Variants in RBFOX1 observed in about 807,000 individuals in gnomAD.
RBFOX1 encodes the protein RNA binding protein fox-1 homolog 1.
A neutral mutation model predicts 57.7 loss-of-function variants in RBFOX1; 8 were observed. The ratio of observed to expected loss-of-function variants is 0.14; its 90% CI spans 0.08 to 0.25. The LOEUF (loss-of-function observed/expected upper bound fraction) is 0.25. Among genes scored for constraint, RBFOX1 ranks in the 10% least tolerant of loss-of-function variants. The pLI, the probability that RBFOX1 is intolerant of heterozygous loss-of-function variation, is 1.00. For missense variants in RBFOX1, 611 were observed against 548.5 expected, an observed-to-expected ratio of 1.11 and a Z score of -1.14; for synonymous variants, 326 against 222.4, an observed-to-expected ratio of 1.47 and a Z score of -4.15.
intron 1 of RBFOX1, among the ~76,000 whole-genome samples, chr16:6,253,516 C>G (rs1162084078): frequency 6.6e-6 from 1 of 152,102 alleles, no homozygotes; most frequent in Non-Finnish European, 1.5e-5. Context: ...TTTGGTGACT[C>G]TGAGTCCTAC....
intron 3 of RBFOX1, among the ~76,000 whole-genome samples, chr16:5,677,165 G>A (rs1376310376): frequency 6.6e-6 from 1 of 152,174 alleles, no homozygotes; most frequent in African/African-American, 2.4e-5. Context: ...CTCTGATGTT[G>A]GTTACTATGA....
At chr16:7,094,366 C>T (rs1034396579) in intron 4 of RBFOX1, among the ~76,000 whole-genome samples, 6 of 151,726 alleles carry the variant, frequency 4.0e-5, no homozygotes, top group Non-Finnish European at 8.8e-5. Context: ...TGCCCATTGT[C>T]TTCCATTTAT....
At chr16:6,483,410 C>T (rs2095406825) in intron 2 of RBFOX1, 9 of 1,534,800 alleles carry the variant, frequency 5.9e-6, no homozygotes, top group South Asian at 4.8e-5. Flanking sequence ...ATTTACATTG[C>T]TAGCACGTGG....
chr16:6,283,729 G>A (rs1373924615), intron 1 of RBFOX1, among the ~76,000 whole-genome samples: 3 of 152,114 alleles, frequency 2.0e-5, no homozygotes, highest in Admixed American at 2.0e-4. Context: ...GCACATACCC[G>A]CAGCTACTTT....
chr16:5,781,170 A>G (rs1380543944), intron 3 of RBFOX1, among the ~76,000 whole-genome samples: 3 of 152,214 alleles, frequency 2.0e-5, no homozygotes, highest in Admixed American at 6.5e-5. Context: ...TAGGAAAGCT[A>G]AAAGATAGGT....
At chr16:5,358,962 C>T (rs1596648808) in intron 1 of RBFOX1, among the ~76,000 whole-genome samples, 2 of 152,240 alleles carry the variant, frequency 1.3e-5, no homozygotes, top group East Asian at 3.8e-4. Flanking sequence ...CTCCACCCTC[C>T]ATTACCCTTC....
chr16:6,691,463 C>G (rs1363605966), intron 3 of RBFOX1, among the ~76,000 whole-genome samples: 1 of 107,448 alleles, frequency 9.3e-6, no homozygotes, highest in Non-Finnish European at 2.5e-5. Context: ...ATTCCTTTTT[C>G]TTTATTTTTT....
intron 3 of RBFOX1, among the ~76,000 whole-genome samples, chr16:6,848,964 G>T (rs558646666): frequency 6.6e-6 from 1 of 152,172 alleles, no homozygotes; most frequent in African/African-American, 2.4e-5. Flanking sequence ...CTTCATGCAC[G>T]CTTAACTAGC....
chr16:5,943,626 C>G (rs1026846313), intron 4 of RBFOX1, among the ~76,000 whole-genome samples: 1 of 152,148 alleles, frequency 6.6e-6, no homozygotes, highest in Non-Finnish European at 1.5e-5. Flanking sequence ...TTCTCTGCAT[C>G]TTGATTGATT....
At chr16:5,790,167 G>C (rs1240125285) in intron 3 of RBFOX1, among the ~76,000 whole-genome samples, 1 of 152,206 alleles carries the variant, frequency 6.6e-6, no homozygotes, top group Non-Finnish European at 1.5e-5. Context: ...AATTTGGACA[G>C]GCTGGACCTG....
intron 3 of RBFOX1, among the ~76,000 whole-genome samples, chr16:6,931,360 C>CACACAT (rs112897436): frequency 1.1e-4 from 16 of 146,670 alleles, no homozygotes; most frequent in African/African-American, 4.1e-4. Context: ...CACACACACA[C>CACACAT]ACATACATAC....
At chr16:6,527,199 C>T (rs13330625) in intron 2 of RBFOX1, among the ~76,000 whole-genome samples, 7,230 of 152,198 alleles carry the variant, frequency 0.048, 430 homozygotes, top group African/African-American at 0.13. Flanking sequence ...TCCTATCTAC[C>T]TATGATCTCT....
intron 2 of RBFOX1, among the ~76,000 whole-genome samples, chr16:6,654,320 A>G (rs1280298859): frequency 2.0e-5 from 3 of 152,224 alleles, no homozygotes; most frequent in Non-Finnish European, 2.9e-5. Context: ...TTTATGAGCT[A>G]TCAGTTCCTC....
chr16:7,461,695 A>G (rs1036465575), intron 4 of RBFOX1, among the ~76,000 whole-genome samples: 2 of 152,210 alleles, frequency 1.3e-5, no homozygotes, highest in African/African-American at 4.8e-5. Flanking sequence ...TATTACTGGA[A>G]GATGATATGA....
chr16:6,591,496 T>C (rs1269161299), intron 2 of RBFOX1, among the ~76,000 whole-genome samples: 1 of 152,176 alleles, frequency 6.6e-6, no homozygotes, highest in Admixed American at 6.5e-5. Context: ...ATGCATATTA[T>C]ACAGAGCCCT....
intron 5 of RBFOX1, among the ~76,000 whole-genome samples, chr16:7,570,163 C>CT (rs5815410): frequency 0.4 from 56,198 of 142,196 alleles, 10,938 homozygotes; most frequent in South Asian, 0.53. Context: ...TAAAATTTTA[C>CT]TTTTTTTTTT....
intron 1 of RBFOX1, among the ~76,000 whole-genome samples, chr16:6,307,008 A>G (rs2079588191): frequency 6.6e-6 from 1 of 152,174 alleles, no homozygotes; most frequent in Admixed American, 6.5e-5. Context: ...GTCAAACTAG[A>G]CAACATCTCT....
intron 4 of RBFOX1, among the ~76,000 whole-genome samples, chr16:7,277,032 G>C (rs1423537558): frequency 6.6e-6 from 1 of 152,184 alleles, no homozygotes; most frequent in Non-Finnish European, 1.5e-5. Context: ...TTTACAGAAA[G>C]AAATGAGAAT....
chr16:7,635,872 G>A (rs1011046614), intron 11 of RBFOX1, among the ~76,000 whole-genome samples: 12 of 151,944 alleles, frequency 7.9e-5, no homozygotes, highest in East Asian at 1.9e-4. Context: ...GTGCAGTAGC[G>A]CAGTCCCGGC....
Sources: allele counts gnomAD v4.1 joint callset (sites outside exome capture counted in the v4.1 genomes callset), GRCh38; gene constraint gnomAD v4.1.1; transcripts MANE v1.5; gene names NCBI Gene and HGNC (gene_info 2026-07-23, HGNC 2026-07-21).